GMNC: variants seen among roughly 807,000 people sequenced by gnomAD.
The protein encoded by GMNC is geminin coiled-coil domain-containing protein 1.
In GMNC, 16 loss-of-function variants were observed where a neutral mutation model predicts 33.6. The ratio of observed to expected loss-of-function variants is 0.48; its 90% CI spans 0.32 to 0.72. GMNC has a LOEUF of 0.72. Ranked by LOEUF, GMNC falls within the 30% of genes least tolerant of loss-of-function variation. The probability of loss-of-function intolerance (pLI) is 0.03; values close to 1 mark genes in which losing one functional copy is unlikely to be tolerated. For missense variants in GMNC, 393 were observed against 388.9 expected, an observed-to-expected ratio of 1.01 and a Z score of -0.09; for synonymous variants, 156 against 147.3, an observed-to-expected ratio of 1.06 and a Z score of -0.43.
Position 190,862,569 on chromosome 3 carries a change from C to G in GMNC, c.3+44G>C, listed in dbSNP as rs1210122899. On this transcript the variant is annotated intron_variant, in intron 1 of 4. Transcript: ENST00000442080. The surrounding 1 kb of genome is among the most constrained non-coding windows in gnomAD (Gnocchi z 4.5). ...TGCAAAGCTTATTAACTTTCAGAGA[C>G]CCAAGTTTGCCAGCGGACTAGCTAA... 8 of 1,446,790 alleles carry G rather than the reference C, an allele frequency of 5.5e-6. No individual in the cohort carries two copies. Among genetic ancestry groups the G allele is most frequent in the Non-Finnish European group, 7.6e-6 (8 of 1,051,078 alleles). The allele number at this position is 1,446,790 out of a possible 1,614,324, so 89.6% of individuals were successfully genotyped here. A position where few individuals can be genotyped will look rare whatever the true frequency, so the allele number is the denominator to read the frequency against.
Position 190,862,618 on chromosome 3 carries a change from T to C in GMNC, c.-3A>G, listed in dbSNP as rs1737897769. ...AACGCCAGTTCCTCACTTACCATCT[T>C]GCAGTGGAAGAAAGCGCTGCAGAAA... On this transcript the variant is annotated 5_prime_UTR_variant, in exon 1 of 5. Transcript: ENST00000442080. This position sits in a 1 kb window ranked among gnomAD's most constrained non-coding sequence, Gnocchi z 4.5. 6.4e-7 allele frequency: 1 copy of C among 1,552,114 alleles called. No individual in the cohort carries two copies. The highest frequency in any genetic ancestry group is 1.4e-5 in the African/African-American group (1 of 73,162).
chr3:190,848,605 A>G (rs2108527246), downstream of GMNC, among the ~76,000 whole-genome samples: 1 of 152,340 alleles, frequency 6.6e-6, no homozygotes, highest in South Asian at 2.1e-4. Flanking sequence ...ATAGTGTTGC[A>G]TTCTATCAAG....
chr3:190,855,336 C>G lies in GMNC; in HGVS notation c.964G>C (p.Glu322Gln). The part of the protein sequence containing the change: ...QGQAFVRRDE[E>Q]GGWKFTWVPK... ...ACCCAGGTAAACTTCCAGCCTCCCT[C>G]CTCATCTCGACGCACAAAGGCTTGT... Residue 322 changes from glutamate to glutamine, a missense_variant, in exon 5 of 5, where the codon GAG becomes CAG. Physicochemically the swap from Glu to Gln is conservative, Grantham distance 29 (BLOSUM62 2). Coordinates refer to ENST00000442080, the MANE Select transcript of GMNC (RefSeq NM_001146686.3). The G allele has an allele frequency of 6.4e-7, 1 of 1,551,692 alleles. No individual in the cohort carries two copies. The highest frequency in any genetic ancestry group is 8.7e-7 in the Non-Finnish European group (1 of 1,146,850).
chr3:190,844,523 A>G, the GMNC span, among the ~76,000 whole-genome samples: 2 of 151,108 alleles, frequency 1.3e-5, no homozygotes, highest in Admixed American at 1.3e-4. Flanking sequence ...ATACAATGTT[A>G]TCAAGGAAAA....
At position 190,860,854 on chromosome 3, in the gene GMNC, G is replaced by A. The variant is rs1737848284; in HGVS notation, c.8C>T (p.Thr3Ile). 6.5e-6 allele frequency: 10 copies of A among 1,547,230 alleles called. No homozygotes were observed. The highest frequency in any genetic ancestry group is 8.7e-6 in the Non-Finnish European group (10 of 1,143,996). The change falls in exon 2 of 5, where the codon ACC becomes ATC. Residue 3 changes from threonine (T) to isoleucine (I), a missense_variant. Thr to Ile is a moderately conservative substitution (Grantham distance 89). Transcript: ENST00000442080. Reference protein sequence around the residue: MNTILPCQDQYFV... With the variant: MNIILPCQDQYFV... ...GTACTGGTCTTGGCAAGGCAGAATG[G>A]TGTTCTGTGAAATTCAGTATGGGGG...
chr3:190,857,101 T>G (rs575351916), intron 4 of GMNC, among the ~76,000 whole-genome samples: 3 of 148,354 alleles, frequency 2.0e-5, no homozygotes, highest in Non-Finnish European at 4.5e-5. Context: ...GATGAAAGCA[T>G]TAATGATAAC....
chr3:190,858,811 A>G, intron 3 of GMNC, 117 bp downstream of exon 3: 2 of 576,330 alleles, frequency 3.5e-6, no homozygotes, highest in Admixed American at 3.2e-5. Flanking sequence ...CACACCAGTC[A>G]CTTTGGTTCT....
intron 2 of GMNC, 74 bp downstream of exon 2, chr3:190,860,610 C>T: frequency 7.6e-7 from 1 of 1,311,904 alleles, no homozygotes. Flanking sequence ...AGAGTCCCAG[C>T]CCATGATGCT....
At chr3:190,848,641 A>G (rs759071504), downstream of GMNC, among the ~76,000 whole-genome samples, 29 of 152,222 alleles carry the variant, frequency 1.9e-4, no homozygotes, top group Admixed American at 2.6e-4. Flanking sequence ...TTGCGAATTA[A>G]ATTGAAATGG....
In GMNC at chr3:190,854,269, A is replaced by G. The variant is rs1410349779; in HGVS notation, c.*1026T>C. On this transcript the variant is annotated 3_prime_UTR_variant, in exon 5 of 5. Transcript: ENST00000442080. Reference sequence around the variant, plus strand: ...AGGGAAGTCGTTTTCGCAAAGTCATAGCAGATGAGTAGGTCTAAGTCTCAT... The same window carrying G: ...AGGGAAGTCGTTTTCGCAAAGTCATGGCAGATGAGTAGGTCTAAGTCTCAT... 1 of 152,184 alleles carries G rather than the reference A, an allele frequency of 6.6e-6. No homozygotes were observed. The highest frequency in any genetic ancestry group is 1.5e-5 in the Non-Finnish European group (1 of 68,034). The allele number at this position is 152,184 out of a possible 1,614,324, so 9.4% of individuals were successfully genotyped here.
At chr3:190,849,531 A>C (rs1406037646), downstream of GMNC, among the ~76,000 whole-genome samples, 1 of 152,218 alleles carries the variant, frequency 6.6e-6, no homozygotes, top group Non-Finnish European at 1.5e-5. Context: ...CTTCACAGCA[A>C]CTGGAGGACC....
chr3:190,860,377 C>T (rs1737834589), intron 2 of GMNC, among the ~76,000 whole-genome samples: 1 of 152,170 alleles, frequency 6.6e-6, no homozygotes, highest in African/African-American at 2.4e-5. Flanking sequence ...CAAAGACATT[C>T]TGCTGGTGTG....
downstream of GMNC, among the ~76,000 whole-genome samples, chr3:190,852,101 T>C (rs1737644168): frequency 6.6e-6 from 1 of 152,108 alleles, no homozygotes; most frequent in Admixed American, 6.5e-5. Context: ...GAATTTAATA[T>C]TTAATCTTAT....
chr3:190,851,855 T>C (rs1737639318), downstream of GMNC, among the ~76,000 whole-genome samples: 1 of 151,958 alleles, frequency 6.6e-6, no homozygotes, highest in Non-Finnish European at 1.5e-5. Context: ...AAATTGACTC[T>C]TACATATAAT....
At chr3:190,859,769 T>C (rs746224312) in intron 2 of GMNC, 7 of 434,162 alleles carry the variant, frequency 1.6e-5, no homozygotes, top group Admixed American at 1.3e-4. Flanking sequence ...CTTTCTTTTC[T>C]TCATCTAGTA....
downstream of GMNC, among the ~76,000 whole-genome samples, chr3:190,849,581 T>G (rs1185169342): frequency 1.3e-5 from 2 of 152,202 alleles, no homozygotes; most frequent in Non-Finnish European, 2.9e-5. Context: ...TAGTTGGGCC[T>G]TATCCCTGAG....
downstream of GMNC, among the ~76,000 whole-genome samples, chr3:190,849,891 A>G (rs1737607704): frequency 2.0e-5 from 3 of 152,244 alleles, no homozygotes; most frequent in Admixed American, 2.0e-4. Context: ...TTACTTAAAC[A>G]GGTATAAAAT....
intron 4 of GMNC, among the ~76,000 whole-genome samples, chr3:190,856,219 CATTT>C (rs553548784): frequency 0.01 from 1,302 of 129,882 alleles, 22 homozygotes; most frequent in African/African-American, 0.037. Flanking sequence ...AATAAACTAT[CATTT>C]ATTTATAAAT....
Position 190,854,629 on chromosome 3 carries a change from T to C in GMNC, c.*666A>G, listed in dbSNP as rs1179405691. 6.6e-6 allele frequency: 1 copy of C among 152,344 alleles called. No individual in the cohort carries two copies. The highest frequency in any genetic ancestry group is 2.4e-5 in the African/African-American group (1 of 41,462). 9.4% of individuals were successfully genotyped at this position (152,344 alleles called of 1,614,324 possible). A position where few individuals can be genotyped will look rare whatever the true frequency, so the allele number is the denominator to read the frequency against. Reference sequence around the variant, plus strand: ...CATCATGAGGCATTTAAAAATAATTTAAATTCTTTGTAATTTTAAAGTTTA... The same window carrying C: ...CATCATGAGGCATTTAAAAATAATTCAAATTCTTTGTAATTTTAAAGTTTA... On this transcript the variant is annotated 3_prime_UTR_variant, in exon 5 of 5. Coordinates refer to ENST00000442080, the MANE Select transcript of GMNC (RefSeq NM_001146686.3).
Sources: gnomAD v4.1 joint callset for allele counts (sites outside exome capture counted in the v4.1 genomes callset) on GRCh38, gnomAD v4.1.1 for gene constraint, Gnocchi (gnomAD v3.1) non-coding constraint, MANE v1.5 for transcripts, NCBI Gene and HGNC (gene_info 2026-07-23, HGNC 2026-07-21) for gene names.